POLR3A: variants seen among roughly 807,000 people sequenced by gnomAD.
The protein encoded by POLR3A is DNA-directed RNA polymerase III subunit RPC1.
A neutral mutation model predicts 152.8 loss-of-function variants in POLR3A; 112 were observed. The observed-to-expected ratio is 0.73, with a 90% CI of 0.63 to 0.86. The LOEUF (loss-of-function observed/expected upper bound fraction) is 0.86. POLR3A is among the 40% of genes least tolerant of loss of function. The probability of loss-of-function intolerance (pLI) is 0.00; values close to 1 mark genes in which losing one functional copy is unlikely to be tolerated. For missense variants in POLR3A, 1,385 were observed against 1,743.1 expected (o/e 0.79, Z 3.66); for synonymous variants, 615 against 652.1 (o/e 0.94, Z 0.87).
intron 21 of POLR3A, among the ~76,000 whole-genome samples, chr10:77,989,040 T>C (rs916504073): frequency 6.6e-6 from 1 of 150,614 alleles, no homozygotes; most frequent in Non-Finnish European, 1.5e-5. Context: ...ATGGACACAT[T>C]TCCCGTGGGT....
At chr10:78,027,553 A>AT (rs539681152) in intron 1 of POLR3A, among the ~76,000 whole-genome samples, 11,550 of 147,642 alleles carry the variant, frequency 0.078, 1,462 homozygotes, top group African/African-American at 0.27. Context: ...CTGCTAGAGG[A>AT]TTTTTTTTTT....
At chr10:77,982,097 C>T (rs537644303) in intron 28 of POLR3A, 57 bp downstream of exon 28, 15 of 1,195,754 alleles carry the variant, frequency 1.3e-5, no homozygotes, top group Admixed American at 3.4e-5. Flanking sequence ...GGAAGGCCTG[C>T]AGATGGCACA....
At chr10:77,985,850 G>A (rs1847192074) in intron 23 of POLR3A, 53 bp downstream of exon 23, 1 of 1,288,348 alleles carries the variant, frequency 7.8e-7, no homozygotes, top group Non-Finnish European at 1.1e-6. Flanking sequence ...AAACAGAAGG[G>A]ATACGTGAGA....
At chr10:77,996,586 C>T (rs12242555) in intron 19 of POLR3A, among the ~76,000 whole-genome samples, 1 of 152,148 alleles carries the variant, frequency 6.6e-6, no homozygotes, top group Non-Finnish European at 1.5e-5. Context: ...TTCCTCGACA[C>T]ATACATCCTC....
intron 24 of POLR3A, among the ~76,000 whole-genome samples, chr10:77,984,968 T>C (rs1345427047): frequency 2.0e-5 from 3 of 152,252 alleles, no homozygotes; most frequent in Non-Finnish European, 4.4e-5. Flanking sequence ...CCATTGCTTC[T>C]ATTTTGACTG....
Position 77,993,343 on chromosome 10 carries a change from C to A in POLR3A, c.2641G>T (p.Asp881Tyr). The change falls in exon 20 of 31, where the codon GAT (aspartate) becomes TAT (tyrosine). Residue 881 changes from aspartate (D) to tyrosine (Y), a missense_variant. Transcript: ENST00000372371. The stretch of plus-strand genomic sequence containing the variant: ...GTCAGATCATACTGGGAGCAAAGAT[C>A]TTCAAGAGATTTGACAAGCCTTCGC... ...MQRRLVKSLE[D>Y]LCSQYDLTVR... 6.2e-7 allele frequency: 1 copy of A among 1,613,854 alleles called. No individual in the cohort carries two copies. The highest frequency in any genetic ancestry group is 8.5e-7 in the Non-Finnish European group (1 of 1,179,816).
chr10:78,027,511 T>G lies in POLR3A; in HGVS notation c.45-1282A>C, dbSNP rs560587486. Among the ~76,000 whole-genome samples the G allele has an allele frequency of 5.5e-4, 84 of 152,068 alleles. 2 individuals carry two copies. In the South Asian group the frequency reaches 0.017, roughly 31 times the overall value. On this transcript the variant is annotated intron_variant, in intron 1 of 30. Transcript: ENST00000372371. ...TGTCTCTACTAAAAATACAAAAAATTTGCTAGGCGTGATGGCCCACACAAT... is the reference window on the plus strand; with the variant it reads ...TGTCTCTACTAAAAATACAAAAAATGTGCTAGGCGTGATGGCCCACACAAT...
chr10:78,000,888 G>C lies in POLR3A; in HGVS notation c.2478+88C>G, dbSNP rs190072159. 3.9e-6 allele frequency: 3 copies of C among 766,716 alleles called. No individual in the cohort carries two copies. The African/African-American group carries it at 5.1e-5, about 13-fold the overall frequency. 47.5% of individuals were successfully genotyped at this position (766,716 alleles called of 1,614,324 possible). A position where few individuals can be genotyped will look rare whatever the true frequency, so the allele number is the denominator to read the frequency against. On this transcript the variant is annotated intron_variant, in intron 18 of 30. Transcript: ENST00000372371. The stretch of plus-strand genomic sequence containing the variant: ...AAAACTCCACATGAAATTGGCCAAC[G>C]GTCTTTGATCTGAATAGGTCTGTGT...
At position 77,976,207 on chromosome 10, in the gene POLR3A, A is replaced by G. The variant is rs1847087730; in HGVS notation, c.*1271T>C. ...TGTAGTGGCACGATCTTGGCTCACT[A>G]CAACCTCCACCTCCCAGGCTCAAGT... is the stretch of plus-strand genomic sequence containing the variant. On this transcript the variant is annotated 3_prime_UTR_variant, in exon 31 of 31. Coordinates refer to ENST00000372371, the MANE Select transcript of POLR3A (RefSeq NM_007055.4). The G allele has an allele frequency of 6.6e-6, 1 of 150,486 alleles. No individual in the cohort carries two copies. 9.3% of individuals were successfully genotyped at this position (150,486 alleles called of 1,614,324 possible). A position where few individuals can be genotyped will look rare whatever the true frequency, so the allele number is the denominator to read the frequency against.
chr10:78,001,361 G>T (rs1047242518), intron 17 of POLR3A, among the ~76,000 whole-genome samples: 1 of 152,120 alleles, frequency 6.6e-6, no homozygotes, highest in Non-Finnish European at 1.5e-5. Flanking sequence ...GGAGGCTTCA[G>T]CAAGTCCAGG....
intron 10 of POLR3A, among the ~76,000 whole-genome samples, chr10:78,015,643 A>C (rs966897132): frequency 9.9e-5 from 15 of 151,918 alleles, no homozygotes; most frequent in Admixed American, 8.5e-4. Context: ...TCAAACAAAA[A>C]AAATTTCTAC....
intron 9 of POLR3A, among the ~76,000 whole-genome samples, 200 bp from the exon 10 acceptor site, chr10:78,017,916 G>A (rs1268073422): frequency 6.6e-6 from 1 of 152,090 alleles, no homozygotes. Context: ...ACTCACTCTT[G>A]TAATCTCAGC....
chr10:78,027,441 C>T (rs1003219232), intron 1 of POLR3A, among the ~76,000 whole-genome samples: 6 of 152,080 alleles, frequency 3.9e-5, no homozygotes, highest in African/African-American at 9.7e-5. Context: ...GGGTGGATCA[C>T]GAGGCAAGGA....
At chr10:77,992,869 A>G (rs1847262836) in intron 20 of POLR3A, among the ~76,000 whole-genome samples, 1 of 150,974 alleles carries the variant, frequency 6.6e-6, no homozygotes, top group Non-Finnish European at 1.5e-5. Flanking sequence ...AAAGTAAAAA[A>G]AAAAAGCAAA....
At chr10:77,990,760 C>G (rs1464395322) in intron 21 of POLR3A, among the ~76,000 whole-genome samples, 1 of 151,898 alleles carries the variant, frequency 6.6e-6, no homozygotes. Context: ...ATTACAGGTG[C>G]CCGCCACCAC....
Position 78,013,307 on chromosome 10 carries a change from C to T in POLR3A, c.1572+343G>A, listed in dbSNP as rs73298697. 9.4e-3 allele frequency: 2,880 copies of T among 305,546 alleles called. 93 individuals are homozygous for T. The highest frequency in any genetic ancestry group is 0.058 in the African/African-American group (2,697 of 46,738). 18.9% of individuals were successfully genotyped at this position (305,546 alleles called of 1,614,324 possible). A position where few individuals can be genotyped will look rare whatever the true frequency, so the allele number is the denominator to read the frequency against. On this transcript the variant is annotated intron_variant, in intron 11 of 30. Transcript: ENST00000372371. ...GGTAGGACATCTTCTTCCCCTGTGACAGCCAACATTGATATTGCTATATTC... is the reference window on the plus strand; with the variant it reads ...GGTAGGACATCTTCTTCCCCTGTGATAGCCAACATTGATATTGCTATATTC...
At chr10:77,996,619 T>C (rs1195383369) in intron 19 of POLR3A, among the ~76,000 whole-genome samples, 2 of 151,400 alleles carry the variant, frequency 1.3e-5, no homozygotes, top group Non-Finnish European at 3.0e-5. Context: ...CAGGAAGAAG[T>C]TGAATCTCTG....
At chr10:77,984,692 A>G (rs1316429760) in intron 24 of POLR3A, among the ~76,000 whole-genome samples, 1 of 152,214 alleles carries the variant, frequency 6.6e-6, no homozygotes, top group African/African-American at 2.4e-5. Flanking sequence ...AATATAGGTC[A>G]TAGGTAAAAA....
At chr10:78,001,414 G>T (rs996414343) in intron 17 of POLR3A, among the ~76,000 whole-genome samples, 1 of 152,082 alleles carries the variant, frequency 6.6e-6, no homozygotes, top group African/African-American at 2.4e-5. Flanking sequence ...TAAAGGGAGA[G>T]GGGGAGGAAT....
Sources: allele counts gnomAD v4.1 joint callset (sites outside exome capture counted in the v4.1 genomes callset), GRCh38; gene constraint gnomAD v4.1.1; transcripts MANE v1.5; gene names NCBI Gene and HGNC (gene_info 2026-07-23, HGNC 2026-07-21).